Variants in EFNA1 observed in about 807,000 individuals in gnomAD.
The protein encoded by EFNA1 is ephrin A1, also known as ephrin-A1.
A neutral mutation model predicts 23.2 loss-of-function variants in EFNA1; 8 were observed. That is an observed-to-expected ratio of 0.34 (90% CI 0.20 to 0.62). The LOEUF is 0.62. Among genes scored for constraint, EFNA1 ranks in the 20% least tolerant of loss-of-function variants. The pLI is 0.75. For missense variants in EFNA1, 217 were observed against 260.0 expected (o/e 0.83, Z 1.14); for synonymous variants, 89 against 98.6 (o/e 0.90, Z 0.58).
intron 1 of EFNA1, among the ~76,000 whole-genome samples, chr1:155,128,285 C>T (rs1400198263): frequency 1.3e-5 from 2 of 152,126 alleles, no homozygotes; most frequent in Admixed American, 6.5e-5. Flanking sequence ...ATCTGCCCTT[C>T]CCTTCCTTCT....
chr1:155,128,002 T>C lies in EFNA1; in HGVS notation c.25T>C (p.Leu9=). MEFLWAPL[L]GLCCSLAAAD... ...TATGGAGTTCCTCTGGGCCCCTCTC[T>C]TGGGTCTGTGCTGCAGTCTGGCCGC... is the stretch of plus-strand genomic sequence containing the variant. The change falls in exon 1 of 5, where the codon TTG becomes CTG. Residue 9 remains leucine, a synonymous_variant. Transcript: ENST00000368407. The C allele has an allele frequency of 6.2e-7, 1 of 1,613,530 alleles. No homozygotes were observed.
chr1:155,132,538 G>A (rs909736489), intron 2 of EFNA1, among the ~76,000 whole-genome samples: 4 of 151,034 alleles, frequency 2.6e-5, no homozygotes, highest in African/African-American at 7.3e-5. Context: ...ATGAACCACC[G>A]CGCATGGCCT....
intron 1 of EFNA1, chr1:155,130,674 G>A (rs1418754652): frequency 1.0e-6 from 1 of 985,224 alleles, no homozygotes; most frequent in East Asian, 1.1e-4. Context: ...GCTAGAACGG[G>A]AAGATTTGAG....
chr1:155,131,898 C>T (rs1486489638), intron 2 of EFNA1, among the ~76,000 whole-genome samples: 1 of 152,152 alleles, frequency 6.6e-6, no homozygotes, highest in African/African-American at 2.4e-5. Context: ...TTAAGAGACC[C>T]TTAGAACAGT....
At chr1:155,132,594 G>A (rs1246380333) in intron 2 of EFNA1, among the ~76,000 whole-genome samples, 4 of 151,344 alleles carry the variant, frequency 2.6e-5, no homozygotes, top group East Asian at 2.0e-4. Context: ...TTGGGAGGCC[G>A]AGGTGGGTGG....
chr1:155,128,986 C>T (rs1664158610), intron 1 of EFNA1, among the ~76,000 whole-genome samples: 2 of 152,176 alleles, frequency 1.3e-5, no homozygotes, highest in Non-Finnish European at 2.9e-5. Flanking sequence ...CTTAGCCACT[C>T]TCGGCCCTAG....
In EFNA1 at chr1:155,133,458, T is replaced by C. The variant is rs757949624; in HGVS notation, c.389-45T>C. ...AGGGGCATTTGGACTTACATTTTCT[T>C]CCAGCAAAGGTTTCTTATTTAACCC... On this transcript the variant is annotated intron_variant, in intron 2 of 4. Coordinates refer to ENST00000368407, the MANE Select transcript of EFNA1 (RefSeq NM_004428.3). The C allele has an allele frequency of 1.1e-5, 18 of 1,610,314 alleles. No individual in the cohort carries two copies. In the South Asian group the frequency reaches 1.6e-4, roughly 15 times the overall value.
chr1:155,134,241 A>T lies in EFNA1; in HGVS notation c.*174A>T. 1.6e-6 allele frequency: 1 copy of T among 642,852 alleles called. No homozygotes were observed. The highest frequency in any genetic ancestry group is 2.8e-5 in the East Asian group (1 of 36,352). 39.8% of individuals were successfully genotyped at this position (642,852 alleles called of 1,614,324 possible). The stretch of plus-strand genomic sequence containing the variant: ...GGTCAGTATTAAGGTTTTCAACCGG[A>T]AGGAGGCCAACCAGCCCGACAGTGC... On this transcript the variant is annotated 3_prime_UTR_variant, in exon 5 of 5. Coordinates refer to ENST00000368407, the MANE Select transcript of EFNA1 (RefSeq NM_004428.3).
In EFNA1 at chr1:155,133,524, A is replaced by T. The variant is rs775507556; in HGVS notation, c.410A>T (p.Glu137Val). 6.2e-6 allele frequency: 10 copies of T among 1,614,000 alleles called. No individual in the cohort carries two copies. In the East Asian group the frequency reaches 2.0e-4, roughly 32 times the overall value. ...YYISKPIHQH[E>V]DRCLRLKVTV... ...GCAGCCAAACCCATCCACCAGCATG[A>T]AGACCGCTGCTTGAGGTTGAAGGTG... is the stretch of plus-strand genomic sequence containing the variant. Residue 137 changes from glutamate (E) to valine (V), a missense_variant, in exon 3 of 5, where the codon GAA (glutamate) becomes GTA (valine). Coordinates refer to ENST00000368407, the MANE Select transcript of EFNA1 (RefSeq NM_004428.3).
Position 155,127,927 on chromosome 1 carries a change from C to A in EFNA1, c.-51C>A. On this transcript the variant is annotated 5_prime_UTR_variant, in exon 1 of 5. Coordinates refer to ENST00000368407, the MANE Select transcript of EFNA1 (RefSeq NM_004428.3). This position sits in a 1 kb window ranked among gnomAD's most constrained non-coding sequence, Gnocchi z 4.4. Reference sequence around the variant, plus strand: ...GCCGCGGAGAAAGCCAGTGGGAACCCAGACCCATAGGAGACCCGCGTCCCC... The same window carrying A: ...GCCGCGGAGAAAGCCAGTGGGAACCAAGACCCATAGGAGACCCGCGTCCCC... The A allele has an allele frequency of 6.8e-7, 1 of 1,471,526 alleles. No individual in the cohort carries two copies. Among genetic ancestry groups the A allele is most frequent in the Non-Finnish European group, 9.4e-7 (1 of 1,062,910 alleles). The allele number at this position is 1,471,526 out of a possible 1,614,324, so 91.2% of individuals were successfully genotyped here.
Position 155,133,760 on chromosome 1 carries a change from A to G in EFNA1, c.485A>G (p.Gln162Arg). The G allele has an allele frequency of 6.2e-7, 1 of 1,614,104 alleles. No individual in the cohort carries two copies. Among genetic ancestry groups the G allele is most frequent in the South Asian group, 1.1e-5 (1 of 91,064 alleles). The change falls in exon 4 of 5, where the codon CAG becomes CGG. Residue 162 changes from glutamine to arginine, a missense_variant. Physicochemically the swap from Gln to Arg is conservative, Grantham distance 43 (BLOSUM62 1). Coordinates refer to ENST00000368407, the MANE Select transcript of EFNA1 (RefSeq NM_004428.3). Reference protein sequence around the residue: ...THSPQAHDNPQEKRLAADDPE... With the variant: ...THSPQAHDNPREKRLAADDPE... ...AGTCCTCAGGCCCATGACAATCCAC[A>G]GGAGAAGAGACTTGCAGCAGGTGGG... is the stretch of plus-strand genomic sequence containing the variant.
Position 155,134,325 on chromosome 1 carries a change from A to G in EFNA1, c.*258A>G. 3.8e-6 allele frequency: 2 copies of G among 527,732 alleles called. No homozygotes were observed. Among genetic ancestry groups the G allele is most frequent in the South Asian group, 2.0e-5 (1 of 49,550 alleles). 32.7% of individuals were successfully genotyped at this position (527,732 alleles called of 1,614,324 possible). A position where few individuals can be genotyped will look rare whatever the true frequency, so the allele number is the denominator to read the frequency against. ...GAAGTGGAGACAGTCCTTTCCCACC[A>G]TTCCTGCCTTTAAGCCAAAGAAACA... On this transcript the variant is annotated 3_prime_UTR_variant, in exon 5 of 5. Coordinates refer to ENST00000368407, the MANE Select transcript of EFNA1 (RefSeq NM_004428.3).
Position 155,131,444 on chromosome 1 carries a change from G to A in EFNA1, c.198G>A (p.Gln66=). 1 of 1,614,128 alleles carries A rather than the reference G, an allele frequency of 6.2e-7. No individual in the cohort carries two copies. Among genetic ancestry groups the A allele is most frequent in the Non-Finnish European group, 8.5e-7 (1 of 1,180,006 alleles). ...CTGTGGCAGACGCTGCCATGGAGCA[G>A]TACATACTGTACCTGGTGGAGCATG... ...DHSVADAAME[Q]YILYLVEHEE... is the part of the protein sequence containing the mutation. The change falls in exon 2 of 5, where the codon CAG becomes CAA. Residue 66 remains glutamine (Q), a synonymous_variant. Coordinates refer to ENST00000368407, the MANE Select transcript of EFNA1 (RefSeq NM_004428.3).
intron 3 of EFNA1, 39 bp downstream of exon 3, chr1:155,133,607 C>A: frequency 6.2e-7 from 1 of 1,612,136 alleles, no homozygotes; most frequent in Non-Finnish European, 8.5e-7. Flanking sequence ...TCCTCCATCT[C>A]TATGCTGGGT....
chr1:155,133,643 A>G lies in EFNA1; in HGVS notation c.454+75A>G, dbSNP rs1033536381. On this transcript the variant is annotated intron_variant, in intron 3 of 4. Transcript: ENST00000368407. ...GCGGTCTAGTGATCTAGGATGGTAT[A>G]GAAGTCTTGCAGCCCAGCCCACTCA... The G allele has an allele frequency of 4.4e-6, 7 of 1,608,798 alleles. No homozygotes were observed. The African/African-American group carries it at 8.0e-5, about 18-fold the overall frequency.
In EFNA1 at chr1:155,134,293, G is replaced by T; in HGVS notation, c.*226G>T. On this transcript the variant is annotated 3_prime_UTR_variant, in exon 5 of 5. Coordinates refer to ENST00000368407, the MANE Select transcript of EFNA1 (RefSeq NM_004428.3). Reference sequence around the variant, plus strand: ...ATCCCCACCTTCACCTCGGAGGGATGGAGAAAGAAGTGGAGACAGTCCTTT... The same window carrying T: ...ATCCCCACCTTCACCTCGGAGGGATTGAGAAAGAAGTGGAGACAGTCCTTT... The T allele has an allele frequency of 1.7e-6, 1 of 573,496 alleles. No individual in the cohort carries two copies. Among genetic ancestry groups the T allele is most frequent in the Admixed American group, 3.0e-5 (1 of 33,146 alleles). The allele number at this position is 573,496 out of a possible 1,614,324, so 35.5% of individuals were successfully genotyped here. A position where few individuals can be genotyped will look rare whatever the true frequency, so the allele number is the denominator to read the frequency against.
Position 155,128,396 on chromosome 1 carries a change from C to T in EFNA1, c.92+327C>T, listed in dbSNP as rs184254618. ...GGCAGCCAGGGCCCTTGTTCCAGGCCCCCCACCCCCCCACTGTGAAAGCCT... is the reference window on the plus strand; with the variant it reads ...GGCAGCCAGGGCCCTTGTTCCAGGCTCCCCACCCCCCCACTGTGAAAGCCT... On this transcript the variant is annotated intron_variant, in intron 1 of 4. Coordinates refer to ENST00000368407, the MANE Select transcript of EFNA1 (RefSeq NM_004428.3). Among the ~76,000 whole-genome samples the T allele has an allele frequency of 4.3e-3, 648 of 151,966 alleles. 6 individuals carry two copies. Among genetic ancestry groups the T allele is most frequent in the African/African-American group, 0.015 (619 of 41,466 alleles).
At chr1:155,130,138 G>C (rs1049895640) in intron 1 of EFNA1, among the ~76,000 whole-genome samples, 8 of 152,238 alleles carry the variant, frequency 5.3e-5, no homozygotes, top group Non-Finnish European at 7.3e-5. Flanking sequence ...TGGCCTCTCA[G>C]GGGTCATGCT....
chr1:155,133,720 T>G lies in EFNA1; in HGVS notation c.455-10T>G, dbSNP rs1289571310. On this transcript the variant is annotated splice_polypyrimidine_tract_variant and intron_variant, in intron 3 of 4. Transcript: ENST00000368407. ...ACAGTACCTGATCTACTACCACTCTTGTCTTTCAGCTCACAGTCCTCAGGC... is the reference window on the plus strand; with the variant it reads ...ACAGTACCTGATCTACTACCACTCTGGTCTTTCAGCTCACAGTCCTCAGGC... 6.2e-7 allele frequency: 1 copy of G among 1,614,084 alleles called. No individual in the cohort carries two copies. The highest frequency in any genetic ancestry group is 1.7e-5 in the Admixed American group (1 of 59,994).
Sources: gnomAD v4.1 joint callset for allele counts (sites outside exome capture counted in the v4.1 genomes callset) on GRCh38, gnomAD v4.1.1 for gene constraint, Gnocchi (gnomAD v3.1) non-coding constraint, MANE v1.5 for transcripts, NCBI Gene and HGNC (gene_info 2026-07-23, HGNC 2026-07-21) for gene names.